Variants in IMMP2L observed in about 807,000 individuals in gnomAD.
The protein encoded by IMMP2L is inner mitochondrial membrane peptidase subunit 2.
Under a neutral mutation model 19.3 loss-of-function variants are expected in IMMP2L, and 18 were observed. That is an observed-to-expected ratio of 0.93 (90% CI 0.64 to 1.38). The LOEUF is 1.38. Ranked by LOEUF, IMMP2L falls within the 40% of genes most tolerant of loss-of-function variation. IMMP2L has a pLI of 0.00. For missense variants in IMMP2L, 233 were observed against 218.2 expected, an observed-to-expected ratio of 1.07 and a Z score of -0.43; for synonymous variants, 76 against 73.0, an observed-to-expected ratio of 1.04 and a Z score of -0.21.
At chr7:110,820,841 T>G (rs1311090209) in intron 5 of IMMP2L, among the ~76,000 whole-genome samples, 2 of 152,164 alleles carry the variant, frequency 1.3e-5, no homozygotes, top group East Asian at 3.9e-4. Context: ...CTCTAGATAT[T>G]TATGCGTCCT....
intron 3 of IMMP2L, among the ~76,000 whole-genome samples, chr7:111,048,238 C>CAAAAAAAAAAAAAAAAAAGAAAAAAAA: frequency 5.4e-5 from 1 of 18,354 alleles, no homozygotes; most frequent in Non-Finnish European, 1.4e-4. Flanking sequence ...GACTCTGTCT[C>CAAAAAAAAAAAAAAAAAAGAAAAAAAA]AAAAAAAAAA....
chr7:111,281,140 CAGAAAGACAGAA>C (rs1563003924), intron 3 of IMMP2L, among the ~76,000 whole-genome samples: 25 of 60,770 alleles, frequency 4.1e-4, no homozygotes, highest in Middle Eastern at 7.1e-3. Flanking sequence ...GAGAGAAAGA[CAGAAAGACAGAA>C]AGACAGAAAG....
intron 3 of IMMP2L, among the ~76,000 whole-genome samples, chr7:110,988,456 T>A (rs527913742): frequency 6.6e-6 from 1 of 152,204 alleles, no homozygotes; most frequent in South Asian, 2.1e-4. Flanking sequence ...AATATTGTGA[T>A]GTGGCCACAG....
chr7:111,040,210 G>A (rs186407514), intron 3 of IMMP2L, among the ~76,000 whole-genome samples: 218 of 152,172 alleles, frequency 1.4e-3, no homozygotes, highest in African/African-American at 4.9e-3. Flanking sequence ...AATTATTTCT[G>A]TGATTAAAAA....
Position 110,782,218 on chromosome 7 carries a change from A to T in IMMP2L, c.408+104375T>A. The stretch of plus-strand genomic sequence containing the variant: ...ATATCCACTAGGCTTATATCTTATG[A>T]CAAACATATTTTAAGCCTAAGGTAG... On this transcript the variant is annotated intron_variant, in intron 5 of 5. Coordinates refer to ENST00000405709, the MANE Select transcript of IMMP2L (RefSeq NM_032549.4). Among the ~76,000 whole-genome samples the T allele has an allele frequency of 1.3e-5, 2 of 151,936 alleles. 1 individual carries two copies. The highest frequency in any genetic ancestry group is 1.3e-4 in the Admixed American group (2 of 15,226).
At chr7:111,398,610 G>T (rs562184330) in intron 3 of IMMP2L, among the ~76,000 whole-genome samples, 5 of 152,100 alleles carry the variant, frequency 3.3e-5, no homozygotes, top group African/African-American at 1.2e-4. Context: ...GCATAGTACT[G>T]GAAGTCCTAG....
At chr7:110,949,646 T>A (rs1193819606) in intron 4 of IMMP2L, among the ~76,000 whole-genome samples, 2 of 152,142 alleles carry the variant, frequency 1.3e-5, no homozygotes, top group South Asian at 4.1e-4. Flanking sequence ...CAGAGTTGAA[T>A]AGATTTCTCA....
At chr7:110,677,905 C>T (rs1792432290) in intron 5 of IMMP2L, among the ~76,000 whole-genome samples, 1 of 152,090 alleles carries the variant, frequency 6.6e-6, no homozygotes, top group African/African-American at 2.4e-5. Flanking sequence ...AAATGAGCTA[C>T]TGAGATTGCC....
chr7:110,889,673 T>A (rs1384788131), intron 4 of IMMP2L, among the ~76,000 whole-genome samples: 3 of 152,112 alleles, frequency 2.0e-5, no homozygotes, highest in Non-Finnish European at 2.9e-5. Context: ...GAAACGAAGG[T>A]TAGTAGTTGG....
intron 3 of IMMP2L, among the ~76,000 whole-genome samples, chr7:111,158,488 T>TA (rs1804893529): frequency 2.6e-5 from 4 of 152,254 alleles, no homozygotes; most frequent in African/African-American, 9.6e-5. Context: ...GATGTGCTCT[T>TA]ACAATTGCTA....
At chr7:111,032,889 G>C (rs942976994) in intron 3 of IMMP2L, among the ~76,000 whole-genome samples, 4 of 152,066 alleles carry the variant, frequency 2.6e-5, no homozygotes, top group African/African-American at 9.7e-5. Flanking sequence ...GGAAGCAGAG[G>C]TGGGCAGATC....
At chr7:110,807,261 T>TA (rs540740190) in intron 5 of IMMP2L, among the ~76,000 whole-genome samples, 7 of 152,164 alleles carry the variant, frequency 4.6e-5, no homozygotes, top group Admixed American at 4.6e-4. Context: ...TTAAAGCTGA[T>TA]AGAGTTAGCT....
chr7:111,519,320 T>C (rs1846142226), intron 2 of IMMP2L, among the ~76,000 whole-genome samples: 1 of 152,126 alleles, frequency 6.6e-6, no homozygotes, highest in South Asian at 2.1e-4. Flanking sequence ...GACAACTGTC[T>C]CACTCGTGCC....
At chr7:110,795,614 G>A (rs1800811130) in intron 5 of IMMP2L, among the ~76,000 whole-genome samples, 1 of 152,022 alleles carries the variant, frequency 6.6e-6, no homozygotes, top group South Asian at 2.1e-4. Context: ...AATGAAATTT[G>A]TGACAAAAAG....
intron 3 of IMMP2L, among the ~76,000 whole-genome samples, chr7:111,298,955 T>TTA (rs1439932585): frequency 6.6e-6 from 1 of 152,056 alleles, no homozygotes; most frequent in African/African-American, 2.4e-5. Context: ...TGAGTGTCTG[T>TTA]TATAAGCAAA....
At chr7:111,061,494 G>A (rs552252252) in intron 3 of IMMP2L, among the ~76,000 whole-genome samples, 6 of 152,136 alleles carry the variant, frequency 3.9e-5, no homozygotes, top group Admixed American at 2.0e-4. Context: ...TCAAAGTGGG[G>A]GACTTAAAGG....
rs141485048 is a variant in IMMP2L, at chr7:110,662,955, G to C, written c.*647C>G. 6.6e-6 allele frequency: 1 copy of C among 152,316 alleles called. No homozygotes were observed. Among genetic ancestry groups the C allele is most frequent in the Admixed American group, 6.5e-5 (1 of 15,296 alleles). 9.4% of individuals were successfully genotyped at this position (152,316 alleles called of 1,614,324 possible). On this transcript the variant is annotated 3_prime_UTR_variant, in exon 6 of 6. Transcript: ENST00000405709. ...CTGTATGCAAGTGTCGACAGAATGG[G>C]TTCTCCATTACTTTGATTCCTTATT...
intron 5 of IMMP2L, among the ~76,000 whole-genome samples, chr7:110,875,343 T>C (rs1250221544): frequency 6.6e-6 from 1 of 152,182 alleles, no homozygotes; most frequent in East Asian, 1.9e-4. Context: ...CATTTCCTAT[T>C]CAGCACATAT....
chr7:111,307,909 A>G (rs1563039928), intron 3 of IMMP2L, among the ~76,000 whole-genome samples: 1 of 151,950 alleles, frequency 6.6e-6, no homozygotes, highest in Non-Finnish European at 1.5e-5. Flanking sequence ...AACCAAAATC[A>G]GGCCTGATAT....
Sources: allele counts gnomAD v4.1 joint callset (sites outside exome capture counted in the v4.1 genomes callset), GRCh38; gene constraint gnomAD v4.1.1; transcripts MANE v1.5; gene names NCBI Gene and HGNC (gene_info 2026-07-23, HGNC 2026-07-21).